The following SECISBP2 variants were observed in gnomAD, a reference collection of about 807,000 sequenced individuals.
SECISBP2 encodes the protein SECIS binding protein 2.
A neutral mutation model predicts 98.2 loss-of-function variants in SECISBP2; 96 were observed. The ratio of observed to expected loss-of-function variants is 0.98; its 90% CI spans 0.83 to 1.16. The LOEUF is 1.16. Among genes scored for constraint, SECISBP2 ranks in the 50% most tolerant of loss-of-function variants. The pLI is 0.00. For synonymous variants in SECISBP2, 407 were observed against 370.2 expected (o/e 1.10, Z -1.14); for missense variants, 1,046 against 1,022.9 (o/e 1.02, Z -0.31).
intron 6 of SECISBP2, chr9:89,334,134 G>T: frequency 8.7e-7 from 1 of 1,143,868 alleles, no homozygotes; most frequent in South Asian, 1.9e-5. Flanking sequence ...TTTGACTTCT[G>T]ATGTTAAAGG....
At chr9:89,326,145 T>C in intron 4 of SECISBP2, 107 bp downstream of exon 4, 1 of 1,376,714 alleles carries the variant, frequency 7.3e-7, no homozygotes, top group Non-Finnish European at 1.0e-6. Context: ...TTGTGACTAC[T>C]CCAAGAAATG....
rs1355004867 is a variant in SECISBP2 at position 89,325,816 on chromosome 9, T to C, written c.433-81T>C. The C allele has an allele frequency of 3.8e-6, 6 of 1,595,844 alleles. No homozygotes were observed. In the Admixed American group the frequency reaches 1.0e-4, roughly 27 times the overall value. ...AACCTTTTAAAAAATGATTGAATTGTGAATACTTAATATTTTGCTGCTTTA... is the reference window on the plus strand; with the variant it reads ...AACCTTTTAAAAAATGATTGAATTGCGAATACTTAATATTTTGCTGCTTTA... On this transcript the variant is annotated intron_variant, in intron 3 of 16. Transcript: ENST00000375807.
intron 12 of SECISBP2, 27 bp from the exon 13 acceptor site, chr9:89,349,749 C>T: frequency 3.7e-6 from 6 of 1,613,842 alleles, no homozygotes; most frequent in Non-Finnish European, 5.1e-6. Context: ...TCACAGATAT[C>T]TGATGATGCC....
chr9:89,355,572 G>A, intron 14 of SECISBP2: 1 of 982,764 alleles, frequency 1.0e-6, no homozygotes, highest in Non-Finnish European at 1.2e-6. Flanking sequence ...ATTTCTTCTG[G>A]TTTGTCAGTT....
rs561130620 is a variant in SECISBP2 at position 89,351,531 on chromosome 9, C to A, written c.2113+679C>A. 1.6e-4 allele frequency among the ~76,000 whole-genome samples: 24 copies of A among 152,230 alleles called. No individual in the cohort carries two copies. In the East Asian group the frequency reaches 4.6e-3, roughly 29 times the overall value. ...CACCTGTCCTTCATCTCCATCTAGG[C>A]TAGGGAACACTCACAAGCCCCTCCC... is the stretch of plus-strand genomic sequence containing the variant. On this transcript the variant is annotated intron_variant, in intron 14 of 16. Coordinates refer to ENST00000375807, the MANE Select transcript of SECISBP2 (RefSeq NM_024077.5).
rs922598643 is a variant in SECISBP2 at position 89,319,635 on chromosome 9, C to G, written c.37-17C>G. 4 of 1,613,780 alleles carry G rather than the reference C, an allele frequency of 2.5e-6. No individual in the cohort carries two copies. The South Asian group carries it at 3.3e-5, about 13-fold the overall frequency. ...ATCTCTGAATGTTTGTGGCCAAAAC[C>G]TCATATTTTTCCTCAGGGCATCAAG... On this transcript the variant is annotated splice_polypyrimidine_tract_variant and intron_variant, in intron 1 of 16. Coordinates refer to ENST00000375807, the MANE Select transcript of SECISBP2 (RefSeq NM_024077.5).
In SECISBP2 at chr9:89,325,626, C is replaced by T. The variant is rs779280246; in HGVS notation, c.382C>T (p.Arg128Ter). 24 of 1,614,086 alleles carry T rather than the reference C, an allele frequency of 1.5e-5. No homozygotes were observed. Among genetic ancestry groups the T allele is most frequent in the Middle Eastern group, 1.6e-4 (1 of 6,062 alleles). ...CYRGFQTVKHRNENTCPLPQE... is the reference protein window; with the variant it reads ...CYRGFQTVKH The stretch of plus-strand genomic sequence containing the variant: ...CCGAGGTTTTCAAACAGTGAAGCAT[C>T]GAAATGAGAACACATGCCCTCTCCC... The change falls in exon 3 of 17, where the codon CGA becomes TGA. Residue 128 changes from arginine (R) to a stop codon, truncating the protein, a stop_gained. Transcript: ENST00000375807. LOFTEE classifies it high-confidence loss of function.
At position 89,324,965 on chromosome 9, in the gene SECISBP2, A is replaced by G. The variant is rs1587854810; in HGVS notation, c.183-462A>G. The G allele has an allele frequency of 1.7e-5, 4 of 229,440 alleles. No individual in the cohort carries two copies. In the East Asian group the frequency reaches 4.9e-4, roughly 28 times the overall value. 14.2% of individuals were successfully genotyped at this position (229,440 alleles called of 1,614,324 possible). ...CGTGCGGTGTCTGCTTTGCGCTCTG[A>G]CCCTGTTAGTCAGCAAAGCGCAGGA... On this transcript the variant is annotated intron_variant, in intron 2 of 16. Coordinates refer to ENST00000375807, the MANE Select transcript of SECISBP2 (RefSeq NM_024077.5).
chr9:89,340,344 A>G (rs1829469945), intron 9 of SECISBP2, among the ~76,000 whole-genome samples: 1 of 152,176 alleles, frequency 6.6e-6, no homozygotes, highest in South Asian at 2.1e-4. Flanking sequence ...GAGGCACCAC[A>G]GTTTTACTCT....
the SECISBP2 span, among the ~76,000 whole-genome samples, chr9:89,366,354 T>G: frequency 1.3e-5 from 2 of 152,236 alleles, no homozygotes; most frequent in African/African-American, 4.8e-5. Flanking sequence ...AAGCATTGCT[T>G]TTATAATAAT....
chr9:89,341,326 T>C (rs1388278905), intron 9 of SECISBP2, 21 bp from the exon 10 acceptor site: 12 of 1,607,940 alleles, frequency 7.5e-6, no homozygotes, highest in Non-Finnish European at 1.0e-5. Flanking sequence ...ATAAGTAAAC[T>C]TACGAATTTT....
chr9:89,348,289 A>G (rs953317521), intron 12 of SECISBP2, 75 bp downstream of exon 12: 21 of 1,557,618 alleles, frequency 1.3e-5, no homozygotes, highest in Non-Finnish European at 1.9e-5. Flanking sequence ...ATGCTGAGCA[A>G]ACTCTCCAGG....
intron 10 of SECISBP2, among the ~76,000 whole-genome samples, chr9:89,346,442 G>A (rs1196490078): frequency 2.0e-5 from 3 of 152,064 alleles, no homozygotes; most frequent in Non-Finnish European, 4.4e-5. Context: ...ATACACATGC[G>A]GAAACCAATA....
At chr9:89,318,732 A>C (rs1301354531) in intron 1 of SECISBP2, 120 bp downstream of exon 1, 2 of 1,241,604 alleles carry the variant, frequency 1.6e-6, no homozygotes, top group Non-Finnish European at 2.1e-6. Context: ...TGGTGACGGC[A>C]CGGGAGCGCC....
chr9:89,352,801 T>C (rs1209084512), intron 14 of SECISBP2, among the ~76,000 whole-genome samples: 1 of 152,162 alleles, frequency 6.6e-6, no homozygotes, highest in Non-Finnish European at 1.5e-5. Flanking sequence ...TGATATTATT[T>C]TTATTTTTTG....
chr9:89,322,449 C>G (rs1254889434), intron 2 of SECISBP2: 2 of 152,212 alleles, frequency 1.3e-5, no homozygotes, highest in African/African-American at 4.8e-5. Flanking sequence ...TTACTACAAT[C>G]CATGAGGTGG....
Position 89,347,030 on chromosome 9 carries a change from G to A in SECISBP2, c.1584G>A (p.Lys528=), listed in dbSNP as rs1473933985. 1 of 1,614,182 alleles carries A rather than the reference G, an allele frequency of 6.2e-7. No homozygotes were observed. Among genetic ancestry groups the A allele is most frequent in the African/African-American group, 1.3e-5 (1 of 75,066 alleles). ...GKQREIPKAK[K]PTSLKKIILK... The stretch of plus-strand genomic sequence containing the variant: ...AGAGGGAGATCCCCAAGGCCAAGAA[G>A]CCAACCTCACTGAAGAAGGTATGTG... The change falls in exon 11 of 17, where the codon AAG becomes AAA. Residue 528 remains lysine, a synonymous_variant. Transcript: ENST00000375807.
chr9:89,365,294 G>T, the SECISBP2 span: 1 of 152,508 alleles, frequency 6.6e-6, no homozygotes. Context: ...TGGTGGGGCT[G>T]GGGAGGCCGG....
At chr9:89,337,994 G>A (rs1012561051) in intron 7 of SECISBP2, among the ~76,000 whole-genome samples, 11 of 152,260 alleles carry the variant, frequency 7.2e-5, no homozygotes, top group Non-Finnish European at 1.3e-4. Context: ...TTAGGGGCCT[G>A]TAGGAATGAT....
Sources: allele counts gnomAD v4.1 joint callset (sites outside exome capture counted in the v4.1 genomes callset), GRCh38; gene constraint gnomAD v4.1.1; transcripts MANE v1.5; gene names NCBI Gene and HGNC (gene_info 2026-07-23, HGNC 2026-07-21).